The following NRG1 variants were observed in gnomAD, a reference collection of about 807,000 sequenced individuals.
NRG1 encodes neuregulin 1, also known as pro-neuregulin-1, membrane-bound isoform.
A neutral mutation model predicts 63.8 loss-of-function variants in NRG1; 18 were observed. The observed-to-expected ratio is 0.28, with a 90% CI of 0.19 to 0.42. NRG1 has a LOEUF of 0.42. NRG1 is among the 10% of genes least tolerant of loss of function. The pLI is 1.00. For synonymous variants in NRG1, 302 were observed against 301.3 expected (o/e 1.00, Z -0.02); for missense variants, 762 against 814.7 (o/e 0.94, Z 0.79).
intron 1 of NRG1, among the ~76,000 whole-genome samples, chr8:32,022,209 G>A (rs1816562884): frequency 6.6e-6 from 1 of 152,170 alleles, no homozygotes; most frequent in African/African-American, 2.4e-5. Context: ...TTCAGAGGTA[G>A]ACATTAGGTA....
intron 5 of NRG1, among the ~76,000 whole-genome samples, chr8:32,723,357 T>C (rs931281473): frequency 6.6e-6 from 1 of 152,172 alleles, no homozygotes; most frequent in Non-Finnish European, 1.5e-5. Flanking sequence ...TTGGTTGTTA[T>C]CATTATGTCT....
intron 5 of NRG1, among the ~76,000 whole-genome samples, chr8:32,699,018 T>G (rs1207489040): frequency 5.9e-5 from 9 of 152,186 alleles, no homozygotes. Flanking sequence ...AATTCACAAG[T>G]GCCATTATAA....
intron 1 of NRG1, among the ~76,000 whole-genome samples, chr8:31,978,616 G>A (rs1450988896): frequency 6.6e-6 from 1 of 152,054 alleles, no homozygotes; most frequent in Non-Finnish European, 1.5e-5. Flanking sequence ...CCCATGTGAT[G>A]TTTAATATCC....
At chr8:31,844,959 T>G (rs1826542757) in intron 1 of NRG1, among the ~76,000 whole-genome samples, 2 of 151,934 alleles carry the variant, frequency 1.3e-5, no homozygotes, top group South Asian at 4.2e-4. Flanking sequence ...ATACAAAAAT[T>G]AGCTGGATGT....
intron 1 of NRG1, among the ~76,000 whole-genome samples, chr8:31,890,305 T>A (rs1262729583): frequency 6.6e-6 from 1 of 152,052 alleles, no homozygotes; most frequent in Non-Finnish European, 1.5e-5. Flanking sequence ...AGAATTACAG[T>A]CTCTAAAATA....
intron 5 of NRG1, among the ~76,000 whole-genome samples, chr8:32,725,022 T>G (rs572762032): frequency 6.6e-6 from 1 of 152,210 alleles, no homozygotes; most frequent in Non-Finnish European, 1.5e-5. Flanking sequence ...TTAACATATT[T>G]GTTAATCTTA....
intron 1 of NRG1, among the ~76,000 whole-genome samples, chr8:31,944,953 T>C (rs766670493): frequency 1.1e-4 from 17 of 152,232 alleles, no homozygotes; most frequent in Admixed American, 2.0e-4. Flanking sequence ...AAAACTTCCG[T>C]AGTACTCAGT....
intron 1 of NRG1, among the ~76,000 whole-genome samples, chr8:32,073,223 G>A (rs1282121222): frequency 6.6e-6 from 1 of 152,146 alleles, no homozygotes; most frequent in Non-Finnish European, 1.5e-5. Context: ...GCAGAAGCTT[G>A]AGGCAGAAGA....
At chr8:31,960,216 T>A (rs2129625673) in intron 1 of NRG1, among the ~76,000 whole-genome samples, 1 of 152,306 alleles carries the variant, frequency 6.6e-6, no homozygotes, top group Middle Eastern at 3.4e-3. Context: ...CTGTGATCCA[T>A]TAAGTCTCAT....
intron 6 of NRG1, among the ~76,000 whole-genome samples, chr8:32,729,622 AG>A (rs1564054364): frequency 6.6e-6 from 1 of 152,246 alleles, no homozygotes; most frequent in African/African-American, 2.4e-5. Flanking sequence ...AAAATGAAAA[AG>A]GCACCAGAAA....
intron 1 of NRG1, among the ~76,000 whole-genome samples, chr8:32,005,886 C>A (rs557583463): frequency 6.6e-6 from 1 of 152,052 alleles, no homozygotes; most frequent in Admixed American, 6.6e-5. Flanking sequence ...TAATGGAAGC[C>A]TAAAAAAGAA....
At chr8:32,079,148 T>TACACACACACACACAC (rs143380574) in intron 1 of NRG1, among the ~76,000 whole-genome samples, 13 of 145,852 alleles carry the variant, frequency 8.9e-5, no homozygotes, top group Non-Finnish European at 1.7e-4. Flanking sequence ...TAGAATGAAA[T>TACACACACACACACAC]ACACACACAC....
chr8:32,049,933 C>T (rs528261071), intron 1 of NRG1, among the ~76,000 whole-genome samples: 4 of 152,130 alleles, frequency 2.6e-5, no homozygotes, highest in African/African-American at 9.6e-5. Flanking sequence ...CCAAAGCTTA[C>T]CCACCCTAAT....
intron 8 of NRG1, 129 bp from the exon 9 acceptor site, chr8:32,756,274 C>G: frequency 1.0e-6 from 1 of 1,003,474 alleles, no homozygotes. Context: ...TGGACATACT[C>G]CCTTCCCTCT....
At chr8:32,629,270 T>A (rs1849841797) in intron 5 of NRG1, among the ~76,000 whole-genome samples, 2 of 152,226 alleles carry the variant, frequency 1.3e-5, no homozygotes, top group Non-Finnish European at 2.9e-5. Context: ...CAGTTCACTC[T>A]AGGTGGTCCC....
chr8:32,341,448 T>C (rs1400250993), intron 1 of NRG1, among the ~76,000 whole-genome samples: 1 of 152,208 alleles, frequency 6.6e-6, no homozygotes, highest in Admixed American at 6.5e-5. Flanking sequence ...CAGAAGACTG[T>C]AAGGACAGAG....
chr8:32,577,740 C>A (rs1410149542), intron 1 of NRG1, among the ~76,000 whole-genome samples: 1 of 151,696 alleles, frequency 6.6e-6, no homozygotes, highest in African/African-American at 2.4e-5. Context: ...TTCTTGAGGA[C>A]ATTTTCTTCT....
intron 1 of NRG1, among the ~76,000 whole-genome samples, chr8:32,364,740 A>G (rs1217995949): frequency 6.6e-6 from 1 of 152,146 alleles, no homozygotes. Flanking sequence ...TTTGCTAGAT[A>G]AAGCTACATT....
At chr8:32,032,225 GT>G (rs1818361894) in intron 1 of NRG1, among the ~76,000 whole-genome samples, 2 of 151,452 alleles carry the variant, frequency 1.3e-5, no homozygotes, top group African/African-American at 4.9e-5. Flanking sequence ...TTTTTCATAT[GT>G]TTGTTAGCTG....
Sources: gnomAD v4.1 joint callset for allele counts (sites outside exome capture counted in the v4.1 genomes callset) on GRCh38, gnomAD v4.1.1 for gene constraint, MANE v1.5 for transcripts, NCBI Gene and HGNC (gene_info 2026-07-23, HGNC 2026-07-21) for gene names.